SNRNP200: variants seen among roughly 807,000 people sequenced by gnomAD.
SNRNP200 encodes the protein U5 small nuclear ribonucleoprotein 200 kDa helicase.
SNRNP200 carries 66 observed loss-of-function variants against 255.2 expected under a neutral mutation model. The observed-to-expected ratio is 0.26, with a 90% CI of 0.21 to 0.32. The LOEUF (loss-of-function observed/expected upper bound fraction) is 0.32. Among genes scored for constraint, SNRNP200 ranks in the 10% least tolerant of loss-of-function variants. SNRNP200 has a pLI of 1.00. For missense variants in SNRNP200, 1,585 were observed against 2,749.8 expected (o/e 0.58, Z 9.47); for synonymous variants, 939 against 1,027.8 (o/e 0.91, Z 1.65).
In SNRNP200 at chr2:96,287,984, A is replaced by C. The variant is rs1429500201; in HGVS notation, c.3259-15T>G. ...CGGCCAGCCGACTAAGCAAAGAAGCAGCATTCCCACTGTTAAGTCTCGACT... is the reference window on the plus strand; with the variant it reads ...CGGCCAGCCGACTAAGCAAAGAAGCCGCATTCCCACTGTTAAGTCTCGACT... On this transcript the variant is annotated splice_polypyrimidine_tract_variant and intron_variant, in intron 24 of 44. Coordinates refer to ENST00000323853, the MANE Select transcript of SNRNP200 (RefSeq NM_014014.5). The surrounding 1 kb of genome is among the most constrained non-coding windows in gnomAD (Gnocchi z 5.7). 2 of 1,612,212 alleles carry C rather than the reference A, an allele frequency of 1.2e-6. No individual in the cohort carries two copies. Among genetic ancestry groups the C allele is most frequent in the Non-Finnish European group, 1.7e-6 (2 of 1,178,330 alleles).
chr2:96,288,088 G>A (rs1558767131), intron 24 of SNRNP200, 119 bp from the exon 25 acceptor site: 1 of 854,992 alleles, frequency 1.2e-6, no homozygotes, highest in Non-Finnish European at 2.0e-6. Flanking sequence ...CTAACTCAAA[G>A]GCAAAGTCCC....
rs754016573 is a variant in SNRNP200 at position 96,291,376 on chromosome 2, C to T, written c.2421+16G>A. ...TATGTCCCACCTGCTCCTCCAAACG[C>T]TTTGCACCCCCTCACCTGAATATGT... On this transcript the variant is annotated intron_variant, in intron 18 of 44. Transcript: ENST00000323853. The surrounding 1 kb of genome is among the most constrained non-coding windows in gnomAD (Gnocchi z 4.2). 3 of 1,450,996 alleles carry T rather than the reference C, an allele frequency of 2.1e-6. No homozygotes were observed. In the South Asian group the frequency reaches 3.4e-5, roughly 17 times the overall value. The allele number at this position is 1,450,996 out of a possible 1,614,324, so 89.9% of individuals were successfully genotyped here.
At chr2:96,275,606 GC>G (rs1558761827) in intron 43 of SNRNP200, among the ~76,000 whole-genome samples, 1 of 152,174 alleles carries the variant, frequency 6.6e-6, no homozygotes, top group Non-Finnish European at 1.5e-5. Flanking sequence ...CTTAGTACCT[GC>G]CACTAAGTCC....
Position 96,278,251 on chromosome 2 carries a change from T to C in SNRNP200, c.5596A>G (p.Asn1866Asp). Reference sequence around the variant, plus strand: ...GCTGTCCTCACCTGCCTCAGGAGATTGTCTTCATGGTGCCGGATGGGAATG... The same window carrying C: ...GCTGTCCTCACCTGCCTCAGGAGATCGTCTTCATGGTGCCGGATGGGAATG... ...ENIPIRHHEDNLLRQLAQKVP... is the reference protein window; with the variant it reads ...ENIPIRHHEDDLLRQLAQKVP... Residue 1866 changes from asparagine to aspartate, a missense_variant, in exon 39 of 45, where the codon AAT (asparagine) becomes GAT (aspartate). Coordinates refer to ENST00000323853, the MANE Select transcript of SNRNP200 (RefSeq NM_014014.5). This position sits in a 1 kb window ranked among gnomAD's most constrained non-coding sequence, Gnocchi z 6.9. 6.2e-7 allele frequency: 1 copy of C among 1,614,198 alleles called. No individual in the cohort carries two copies.
chr2:96,290,589 A>C lies in SNRNP200; in HGVS notation c.2554-75T>G. 1 of 1,612,148 alleles carries C rather than the reference A, an allele frequency of 6.2e-7. No individual in the cohort carries two copies. On this transcript the variant is annotated intron_variant, in intron 19 of 44. Coordinates refer to ENST00000323853, the MANE Select transcript of SNRNP200 (RefSeq NM_014014.5). This position sits in a 1 kb window ranked among gnomAD's most constrained non-coding sequence, Gnocchi z 4.5. Reference sequence around the variant, plus strand: ...ATTTTGATGCAGGTATCTACATTACAGAACTAGACCTCTGATCTGCTAGCT... The same window carrying C: ...ATTTTGATGCAGGTATCTACATTACCGAACTAGACCTCTGATCTGCTAGCT...
chr2:96,293,104 T>C lies in SNRNP200; in HGVS notation c.2037-9A>G. 6.2e-7 allele frequency: 1 copy of C among 1,614,202 alleles called. No individual in the cohort carries two copies. Among genetic ancestry groups the C allele is most frequent in the Non-Finnish European group, 8.5e-7 (1 of 1,180,032 alleles). ...GAGGCACTGGACGGAAGCTAGAAGTTCAACAGTTAGACAAATGAGGCTTTG... is the reference window on the plus strand; with the variant it reads ...GAGGCACTGGACGGAAGCTAGAAGTCCAACAGTTAGACAAATGAGGCTTTG... On this transcript the variant is annotated splice_polypyrimidine_tract_variant and intron_variant, in intron 15 of 44. Transcript: ENST00000323853.
chr2:96,275,759 T>C (rs1684644552), intron 43 of SNRNP200, among the ~76,000 whole-genome samples: 1 of 152,158 alleles, frequency 6.6e-6, no homozygotes, highest in Non-Finnish European at 1.5e-5. Context: ...TCCCAGCACT[T>C]TGGGAGGCCG....
At position 96,277,518 on chromosome 2, in the gene SNRNP200, C is replaced by CTCTAGGCTG. The variant is rs983932143; in HGVS notation, c.5931+12_5931+20dup. 1 of 1,612,062 alleles carries CTCTAGGCTG rather than the reference C, an allele frequency of 6.2e-7. No individual in the cohort carries two copies. Among genetic ancestry groups the CTCTAGGCTG allele is most frequent in the African/African-American group, 1.3e-5 (1 of 74,858 alleles). ...GGCTCTCAGGCTCACCCACCTGACC[C>CTCTAGGCTG]TCTAGGCTGACCCGGCTCACCTTGT... On this transcript the variant is annotated intron_variant, in intron 41 of 44. Transcript: ENST00000323853. This position sits in a 1 kb window ranked among gnomAD's most constrained non-coding sequence, Gnocchi z 4.4.
rs1399895404 is a variant in SNRNP200 at position 96,286,410 on chromosome 2, A to G, written c.3904T>C (p.Leu1302=). The change falls in exon 29 of 45, where the codon TTG becomes CTG. Residue 1302 remains leucine, a synonymous_variant. Coordinates refer to ENST00000323853, the MANE Select transcript of SNRNP200 (RefSeq NM_014014.5). This position sits in a 1 kb window ranked among gnomAD's most constrained non-coding sequence, Gnocchi z 4.8. ...PEKYPPPTEL[L]DLQPLPVSAL... ...GACACGGGCAAGGGCTGCAGGTCCA[A>G]AAGTTCGGTTGGAGGGGGGTACTTC... 6.2e-7 allele frequency: 1 copy of G among 1,614,182 alleles called. No individual in the cohort carries two copies. Among genetic ancestry groups the G allele is most frequent in the Admixed American group, 1.7e-5 (1 of 60,024 alleles).
Position 96,304,790 on chromosome 2 carries a change from A to G in SNRNP200, c.124T>C (p.Ser42Pro). 1 of 1,614,178 alleles carries G rather than the reference A, an allele frequency of 6.2e-7. No individual in the cohort carries two copies. The highest frequency in any genetic ancestry group is 8.5e-7 in the Non-Finnish European group (1 of 1,180,030). Residue 42 changes from serine (S) to proline (P), a missense_variant, in exon 2 of 45, where the codon TCC (serine) becomes CCC (proline). By Grantham distance (74) the Ser-to-Pro change is moderately conservative. This residue lies in a region of SNRNP200 where 383 missense variants were observed against 645.3 expected (regional missense o/e 0.59). Coordinates refer to ENST00000323853, the MANE Select transcript of SNRNP200 (RefSeq NM_014014.5). ...RRDEPTGEVL[S>P]LVGKLEGTRM... ...GTGCCCTCCAGCTTCCCAACAAGGG[A>G]CAGCACCTCTCCTGTGGGTTCATCC...
At position 96,290,463 on chromosome 2, in the gene SNRNP200, G is replaced by A; in HGVS notation, c.2605C>T (p.Leu869Phe). ...PQYDTKGEGI[L>F]ITSHGELQYY... ...TGTAGCTCCCCATGAGATGTGATGA[G>A]TATGCCTTCACCCTTGGTGTCATAC... Residue 869 changes from leucine to phenylalanine, a missense_variant, in exon 20 of 45, where the codon CTC becomes TTC. This residue lies in a region of SNRNP200 where 719 missense variants were observed against 1,091.1 expected (regional missense o/e 0.66). Coordinates refer to ENST00000323853, the MANE Select transcript of SNRNP200 (RefSeq NM_014014.5). This position sits in a 1 kb window ranked among gnomAD's most constrained non-coding sequence, Gnocchi z 4.5. 2.5e-6 allele frequency: 4 copies of A among 1,614,178 alleles called. No homozygotes were observed. Among genetic ancestry groups the A allele is most frequent in the East Asian group, 2.2e-5 (1 of 44,888 alleles).
intron 5 of SNRNP200, among the ~76,000 whole-genome samples, 166 bp from the exon 6 acceptor site, chr2:96,299,593 A>C (rs2063940227): frequency 1.3e-5 from 2 of 152,196 alleles, no homozygotes; most frequent in Non-Finnish European, 2.9e-5. Flanking sequence ...GTGGACATAG[A>C]ATGACTGCTT....
rs1335353421 is a variant in SNRNP200, at chr2:96,281,929, A to G, written c.4916-7T>C. 6.2e-7 allele frequency: 1 copy of G among 1,611,608 alleles called. No homozygotes were observed. Among genetic ancestry groups the G allele is most frequent in the Non-Finnish European group, 8.5e-7 (1 of 1,177,840 alleles). On this transcript the variant is annotated splice_polypyrimidine_tract_variant and splice_region_variant and intron_variant, in intron 34 of 44. Transcript: ENST00000323853. ...ACCACCACCTGGATAGCCCCTGAGC[A>G]GTAGAGGGGAGAGGAAGGCTGAGGG...
rs368358976 is a variant in SNRNP200, at chr2:96,278,738, G to A, written c.5324-27C>T. The A allele has an allele frequency of 1.2e-6, 2 of 1,614,108 alleles. No homozygotes were observed. Among genetic ancestry groups the A allele is most frequent in the African/African-American group, 1.3e-5 (1 of 74,940 alleles). ...TATGGAGGCGAGAGGTGAGTGGGGA[G>A]CCTCAAGAAGATGCCCAGCAAAGAC... On this transcript the variant is annotated intron_variant, in intron 37 of 44. Transcript: ENST00000323853. This position sits in a 1 kb window ranked among gnomAD's most constrained non-coding sequence, Gnocchi z 6.9.
At position 96,298,851 on chromosome 2, in the gene SNRNP200, C is replaced by A; in HGVS notation, c.846G>T (p.Ser282=). The A allele has an allele frequency of 1.2e-6, 2 of 1,614,122 alleles. No individual in the cohort carries two copies. The highest frequency in any genetic ancestry group is 1.7e-6 in the Non-Finnish European group (2 of 1,180,042). ...LSRFYDDAIV[S]QKKADEVLEI... ...CCAATACTTCATCTGCCTTCTTCTG[C>A]GACACGATGGCATCATCATAGAAAC... The change falls in exon 7 of 45, where the codon TCG becomes TCT. Residue 282 remains serine, a synonymous_variant. Transcript: ENST00000323853.
Position 96,287,184 on chromosome 2 carries a change from G to A in SNRNP200, c.3485-24C>T, listed in dbSNP as rs770161427. On this transcript the variant is annotated intron_variant, in intron 26 of 44. Transcript: ENST00000323853. This position sits in a 1 kb window ranked among gnomAD's most constrained non-coding sequence, Gnocchi z 5.7. ...CCCTACAAGGAAATGAGAGTACTGA[G>A]GCTGCAGCCCAGCCTGCCTACTATA... 5.6e-6 allele frequency: 9 copies of A among 1,613,998 alleles called. No individual in the cohort carries two copies. Among genetic ancestry groups the A allele is most frequent in the Non-Finnish European group, 7.6e-6 (9 of 1,179,994 alleles).
chr2:96,278,137 A>T lies in SNRNP200; in HGVS notation c.5610+100T>A, dbSNP rs953096967. ...GAGGACATATGGCGGGGGTCGGGGG[A>T]TGCGTATGGGCGTGTTGGTGGCAGG... is the stretch of plus-strand genomic sequence containing the variant. On this transcript the variant is annotated intron_variant, in intron 39 of 44. Coordinates refer to ENST00000323853, the MANE Select transcript of SNRNP200 (RefSeq NM_014014.5). This position sits in a 1 kb window ranked among gnomAD's most constrained non-coding sequence, Gnocchi z 6.9. 6.3e-7 allele frequency: 1 copy of T among 1,581,910 alleles called. No homozygotes were observed. The highest frequency in any genetic ancestry group is 1.7e-5 in the Admixed American group (1 of 59,624).
At position 96,276,998 on chromosome 2, in the gene SNRNP200, A is replaced by G; in HGVS notation, c.6093-13T>C. On this transcript the variant is annotated splice_polypyrimidine_tract_variant and intron_variant, in intron 42 of 44. Coordinates refer to ENST00000323853, the MANE Select transcript of SNRNP200 (RefSeq NM_014014.5). ...AACTGGCCCGCCACTGCAGGGGGAGAGGAGGGGCGCACGTCAGTGATGGGG... is the reference window on the plus strand; with the variant it reads ...AACTGGCCCGCCACTGCAGGGGGAGGGGAGGGGCGCACGTCAGTGATGGGG... The G allele has an allele frequency of 6.2e-7, 1 of 1,614,004 alleles. No homozygotes were observed. The highest frequency in any genetic ancestry group is 8.5e-7 in the Non-Finnish European group (1 of 1,179,972).
Position 96,287,865 on chromosome 2 carries a change from G to A in SNRNP200, c.3363C>T (p.Arg1121=). The A allele has an allele frequency of 6.2e-7, 1 of 1,613,910 alleles. No individual in the cohort carries two copies. Among genetic ancestry groups the A allele is most frequent in the Middle Eastern group, 1.6e-4 (1 of 6,062 alleles). ...TLNLCKMIDK[R]MWQSMCPLRQ... ...CATCCAGCTCACTGGGTCCTTACATGCGTTTGTCGATCATCTTGCAGAGGT... is the reference window on the plus strand; with the variant it reads ...CATCCAGCTCACTGGGTCCTTACATACGTTTGTCGATCATCTTGCAGAGGT... The change falls in exon 25 of 45, where the codon CGC becomes CGT. Residue 1121 remains arginine (R), a splice_region_variant and synonymous_variant. Coordinates refer to ENST00000323853, the MANE Select transcript of SNRNP200 (RefSeq NM_014014.5). The surrounding 1 kb of genome is among the most constrained non-coding windows in gnomAD (Gnocchi z 5.7).
Sources: gnomAD v4.1 joint callset for allele counts (sites outside exome capture counted in the v4.1 genomes callset) on GRCh38, gnomAD v4.1.1 for gene constraint, gnomAD v4.1.1 regional missense constraint, Gnocchi (gnomAD v3.1) non-coding constraint, MANE v1.5 for transcripts, NCBI Gene and HGNC (gene_info 2026-07-23, HGNC 2026-07-21) for gene names.